SORCS1: variants seen among roughly 807,000 people sequenced by gnomAD.
SORCS1 encodes the protein sortilin related VPS10 domain containing receptor 1.
A neutral mutation model predicts 146.1 loss-of-function variants in SORCS1; 60 were observed. The observed-to-expected ratio is 0.41, with a 90% CI of 0.33 to 0.51. The LOEUF is 0.51. Ranked by LOEUF, SORCS1 falls within the 20% of genes least tolerant of loss-of-function variation. The pLI, the probability that SORCS1 is intolerant of heterozygous loss-of-function variation, is 0.21. For synonymous variants in SORCS1, 637 were observed against 584.0 expected (o/e 1.09, Z -1.31); for missense variants, 1,352 against 1,487.6 (o/e 0.91, Z 1.50).
intron 6 of SORCS1, among the ~76,000 whole-genome samples, chr10:106,710,483 A>C (rs1404639809): frequency 6.6e-6 from 1 of 151,324 alleles, no homozygotes; most frequent in African/African-American, 2.4e-5. Context: ...CCTTGAGTTA[A>C]GACTTTGCTT....
chr10:106,865,329 T>G (rs1950189205), intron 2 of SORCS1, among the ~76,000 whole-genome samples: 1 of 152,176 alleles, frequency 6.6e-6, no homozygotes, highest in Non-Finnish European at 1.5e-5. Context: ...TGTTTGTGGT[T>G]TTGCAGCCTT....
chr10:106,672,182 T>C (rs1288943388), intron 15 of SORCS1, among the ~76,000 whole-genome samples: 2 of 152,226 alleles, frequency 1.3e-5, no homozygotes, highest in Non-Finnish European at 2.9e-5. Flanking sequence ...TTGAGGTATA[T>C]GACGTTTTTC....
At chr10:107,153,186 T>C (rs1172924962) in intron 1 of SORCS1, among the ~76,000 whole-genome samples, 16 of 152,052 alleles carry the variant, frequency 1.1e-4, no homozygotes, top group Non-Finnish European at 2.4e-4. Flanking sequence ...GTTTTTTTTT[T>C]CCATCTCTCC....
At chr10:107,044,164 T>G (rs1248217890) in intron 1 of SORCS1, among the ~76,000 whole-genome samples, 1 of 152,190 alleles carries the variant, frequency 6.6e-6, no homozygotes, top group Admixed American at 6.5e-5. Flanking sequence ...TTTAACCATT[T>G]GTTTTCAATA....
chr10:106,628,028 C>G (rs1320881006), intron 19 of SORCS1, among the ~76,000 whole-genome samples: 1 of 152,170 alleles, frequency 6.6e-6, no homozygotes, highest in East Asian at 1.9e-4. Context: ...TATTAAGAGC[C>G]TGTTTAGCAC....
At chr10:107,043,975 C>T (rs1959195809) in intron 1 of SORCS1, among the ~76,000 whole-genome samples, 1 of 152,198 alleles carries the variant, frequency 6.6e-6, no homozygotes, top group Admixed American at 6.5e-5. Context: ...TACTGATATT[C>T]TCCTGGCGGG....
intron 1 of SORCS1, among the ~76,000 whole-genome samples, chr10:107,129,236 T>G (rs1452655003): frequency 6.6e-6 from 1 of 152,264 alleles, no homozygotes; most frequent in Non-Finnish European, 1.5e-5. Flanking sequence ...GTCTTGGAAC[T>G]GTCTGCTGTC....
chr10:106,979,730 G>A (rs946375799), intron 1 of SORCS1, among the ~76,000 whole-genome samples: 3 of 152,172 alleles, frequency 2.0e-5, no homozygotes, highest in Non-Finnish European at 4.4e-5. Flanking sequence ...CATCACTCGT[G>A]TGGCCCTCTC....
chr10:106,883,561 C>T (rs1950885025), intron 2 of SORCS1, among the ~76,000 whole-genome samples: 1 of 151,880 alleles, frequency 6.6e-6, no homozygotes. Flanking sequence ...ACTACAGGTG[C>T]CTGCCACCTG....
At chr10:107,093,441 G>A (rs774570732) in intron 1 of SORCS1, among the ~76,000 whole-genome samples, 8 of 152,118 alleles carry the variant, frequency 5.3e-5, no homozygotes, top group Admixed American at 1.3e-4. Flanking sequence ...TTGGGAGGCC[G>A]AGGAGGGCAG....
At chr10:106,992,261 T>C (rs1045674835) in intron 1 of SORCS1, among the ~76,000 whole-genome samples, 8 of 152,180 alleles carry the variant, frequency 5.3e-5, no homozygotes, top group African/African-American at 1.9e-4. Flanking sequence ...TTCACAGTGC[T>C]CAGACTTCCT....
intron 2 of SORCS1, among the ~76,000 whole-genome samples, chr10:106,899,365 C>A (rs1951610467): frequency 6.6e-6 from 1 of 152,110 alleles, no homozygotes; most frequent in Admixed American, 6.6e-5. Flanking sequence ...AATGGTGGAT[C>A]CTAAAGAAAG....
chr10:107,073,019 T>C (rs1962572283), intron 1 of SORCS1, among the ~76,000 whole-genome samples: 1 of 152,210 alleles, frequency 6.6e-6, no homozygotes, highest in South Asian at 2.1e-4. Flanking sequence ...CAGGACACTG[T>C]CTGGGTGATG....
At chr10:106,676,007 T>A (rs1325322498) in intron 13 of SORCS1, among the ~76,000 whole-genome samples, 3 of 152,206 alleles carry the variant, frequency 2.0e-5, no homozygotes, top group Non-Finnish European at 4.4e-5. Flanking sequence ...CCGTTGTTTA[T>A]AAGCCACCCA....
chr10:106,988,704 C>T (rs1956603095), intron 1 of SORCS1, among the ~76,000 whole-genome samples: 1 of 152,034 alleles, frequency 6.6e-6, no homozygotes, highest in Admixed American at 6.6e-5. Flanking sequence ...TCATATAGCA[C>T]TATAAATGGT....
intron 1 of SORCS1, 85 bp downstream of exon 1, chr10:107,163,884 C>CCCCCCAATTCTCCATCAGATCACACATTT: frequency 7.0e-7 from 1 of 1,435,100 alleles, no homozygotes. Flanking sequence ...AACCCTATTT[C>CCCCCCAATTCTCCATCAGATCACACATTT]CCCCCAATTC....
intron 1 of SORCS1, among the ~76,000 whole-genome samples, chr10:106,962,084 T>C (rs1369317507): frequency 1.3e-5 from 2 of 152,238 alleles, no homozygotes; most frequent in South Asian, 2.1e-4. Context: ...CTACTGCTCA[T>C]CCAAGGATGT....
At chr10:106,612,425 C>T (rs967967420) in intron 21 of SORCS1, among the ~76,000 whole-genome samples, 4 of 144,320 alleles carry the variant, frequency 2.8e-5, no homozygotes, top group African/African-American at 1.0e-4. Flanking sequence ...TGACCGATAC[C>T]ATCCAGTTAT....
intron 1 of SORCS1, among the ~76,000 whole-genome samples, chr10:107,050,159 T>C (rs1959973214): frequency 6.6e-6 from 1 of 152,192 alleles, no homozygotes; most frequent in African/African-American, 2.4e-5. Flanking sequence ...AACAGATATA[T>C]TTGTTAGTTG....
Sources: allele counts gnomAD v4.1 joint callset (sites outside exome capture counted in the v4.1 genomes callset), GRCh38; gene constraint gnomAD v4.1.1; transcripts MANE v1.5; gene names NCBI Gene and HGNC (gene_info 2026-07-23, HGNC 2026-07-21).